RARB: variants seen among roughly 807,000 people sequenced by gnomAD.
RARB encodes the protein HBV-activated protein.
RARB carries 17 observed loss-of-function variants against 51.9 expected under a neutral mutation model. That is an observed-to-expected ratio of 0.33 (90% CI 0.22 to 0.49). The LOEUF is 0.49. Ranked by LOEUF, RARB falls within the 20% of genes least tolerant of loss-of-function variation. The probability of loss-of-function intolerance (pLI) is 0.99; values close to 1 mark genes in which losing one functional copy is unlikely to be tolerated. For missense variants in RARB, 369 were observed against 550.8 expected (o/e 0.67, Z 3.30); for synonymous variants, 215 against 195.4 (o/e 1.10, Z -0.84).
intron 3 of RARB, among the ~76,000 whole-genome samples, chr3:25,124,814 C>T (rs192687409): frequency 2.0e-5 from 3 of 152,282 alleles, no homozygotes; most frequent in East Asian, 1.9e-4. Flanking sequence ...AGCCTAGCTG[C>T]AGCCGTGTTG....
At chr3:25,422,427 G>A (rs2125507882) in intron 5 of RARB, among the ~76,000 whole-genome samples, 1 of 152,274 alleles carries the variant, frequency 6.6e-6, no homozygotes, top group South Asian at 2.1e-4. Context: ...GCATGGTAGT[G>A]CCATTGGCAT....
intron 5 of RARB, among the ~76,000 whole-genome samples, chr3:25,356,079 C>G (rs951620049): frequency 6.6e-6 from 1 of 152,118 alleles, no homozygotes; most frequent in Non-Finnish European, 1.5e-5. Flanking sequence ...ATTACAAGAT[C>G]TATTTCTTGC....
At chr3:25,256,947 G>A (rs1383796448) in intron 5 of RARB, among the ~76,000 whole-genome samples, 4 of 152,108 alleles carry the variant, frequency 2.6e-5, no homozygotes, top group African/African-American at 9.7e-5. Flanking sequence ...GAGAACATTA[G>A]CTTTGTGCTT....
intron 5 of RARB, among the ~76,000 whole-genome samples, chr3:25,346,345 G>T (rs1268502795): frequency 6.6e-6 from 1 of 152,092 alleles, no homozygotes; most frequent in East Asian, 1.9e-4. Flanking sequence ...AACCTTTAGG[G>T]TTATTGTATT....
chr3:24,954,426 A>G (rs776499267), intron 2 of RARB, among the ~76,000 whole-genome samples: 1 of 152,218 alleles, frequency 6.6e-6, no homozygotes, highest in Admixed American at 6.5e-5. Flanking sequence ...TGAGTCCTAC[A>G]TGGGAAATTA....
At chr3:24,950,831 A>C (rs1440222114) in intron 2 of RARB, among the ~76,000 whole-genome samples, 2 of 152,178 alleles carry the variant, frequency 1.3e-5, no homozygotes, top group Admixed American at 6.5e-5. Flanking sequence ...GTAATTTTTC[A>C]AAGTGTGGTC....
At chr3:25,373,869 C>T (rs1212251978) in intron 5 of RARB, among the ~76,000 whole-genome samples, 1 of 152,060 alleles carries the variant, frequency 6.6e-6, no homozygotes, top group South Asian at 2.1e-4. Flanking sequence ...GACTAACTGG[C>T]AGGAAAGGAA....
intron 2 of RARB, among the ~76,000 whole-genome samples, chr3:24,988,120 A>C (rs1696833904): frequency 6.6e-6 from 1 of 152,210 alleles, no homozygotes; most frequent in African/African-American, 2.4e-5. Flanking sequence ...AAGACATTTG[A>C]AATGTGATCC....
intron 2 of RARB, among the ~76,000 whole-genome samples, chr3:25,486,207 C>T (rs1021948806): frequency 2.0e-5 from 3 of 152,072 alleles, no homozygotes; most frequent in Non-Finnish European, 1.5e-5. Flanking sequence ...AGGTATAGAG[C>T]TAAGGCTTAT....
At chr3:25,077,390 C>T (rs1326540477) in intron 3 of RARB, among the ~76,000 whole-genome samples, 2 of 152,100 alleles carry the variant, frequency 1.3e-5, no homozygotes, top group Non-Finnish European at 2.9e-5. Flanking sequence ...TGTGAGTCAA[C>T]CAGTGTTCTG....
At chr3:25,094,083 A>G (rs1021043711) in intron 3 of RARB, among the ~76,000 whole-genome samples, 15 of 152,200 alleles carry the variant, frequency 9.9e-5, no homozygotes, top group Admixed American at 2.0e-4. Flanking sequence ...AAATGATGAC[A>G]GAACCCAGCA....
chr3:25,174,342 A>G, exon 5 of RARB: 1 of 1,317,824 alleles, frequency 7.6e-7, no homozygotes, highest in Non-Finnish European at 1.0e-6. Flanking sequence ...TTGGTTTAAG[A>G]CCTGGAGTGA....
intron 2 of RARB, among the ~76,000 whole-genome samples, chr3:24,962,878 T>G (rs12487571): frequency 0.43 from 65,071 of 152,014 alleles, 14,419 homozygotes; most frequent in Admixed American, 0.56. Context: ...TCTTAGCTAC[T>G]TTTTAAGGTA....
At chr3:25,029,094 G>A (rs4410416) in intron 2 of RARB, among the ~76,000 whole-genome samples, 134,959 of 152,102 alleles carry the variant, frequency 0.89, 60,057 homozygotes, top group African/African-American at 0.93. Context: ...GCTGCCATAT[G>A]CAGTTGTCTG....
At chr3:25,475,435 A>G (rs567848994) in intron 2 of RARB, among the ~76,000 whole-genome samples, 151 of 152,308 alleles carry the variant, frequency 9.9e-4, no homozygotes, top group Non-Finnish European at 1.6e-3. Flanking sequence ...ATCACTATAG[A>G]TAAGTTATGT....
chr3:25,388,778 A>G (rs1291337240), intron 5 of RARB, among the ~76,000 whole-genome samples: 1 of 152,194 alleles, frequency 6.6e-6, no homozygotes, highest in African/African-American at 2.4e-5. Flanking sequence ...ATGGTGTTGT[A>G]AATGTTCACA....
At chr3:25,466,234 C>A (rs1695423906) in intron 2 of RARB, among the ~76,000 whole-genome samples, 1 of 152,226 alleles carries the variant, frequency 6.6e-6, no homozygotes, top group Non-Finnish European at 1.5e-5. Context: ...GTTGCCCAGG[C>A]TGGAGTGCAG....
intron 4 of RARB, among the ~76,000 whole-genome samples, chr3:25,140,152 G>A (rs1700087179): frequency 1.3e-5 from 2 of 152,050 alleles, no homozygotes; most frequent in South Asian, 4.1e-4. Flanking sequence ...GAATCAAGAA[G>A]TAACTTCAAC....
chr3:25,397,961 C>T (rs1369710682), intron 5 of RARB, among the ~76,000 whole-genome samples: 2 of 151,844 alleles, frequency 1.3e-5, no homozygotes, highest in African/African-American at 4.8e-5. Flanking sequence ...TCTTATATAA[C>T]CCTTAAAATG....
Sources: gnomAD v4.1 joint callset for allele counts (sites outside exome capture counted in the v4.1 genomes callset) on GRCh38, gnomAD v4.1.1 for gene constraint, MANE v1.5 for transcripts, NCBI Gene and HGNC (gene_info 2026-07-23, HGNC 2026-07-21) for gene names.